Variants in FDFT1 observed in about 807,000 individuals in gnomAD.
The protein encoded by FDFT1 is farnesyl-diphosphate farnesyltransferase 1, also known as squalene synthase.
A neutral mutation model predicts 46.8 loss-of-function variants in FDFT1; 68 were observed. The ratio of observed to expected loss-of-function variants is 1.45; its 90% confidence interval spans 1.19 to 1.78. FDFT1 has a LOEUF of 1.78. Ranked by LOEUF, FDFT1 falls within the 40% of genes most tolerant of loss-of-function variation. FDFT1 has a pLI of 0.00. For missense variants in FDFT1, 928 were observed against 524.4 expected (o/e 1.77, Z -7.52); for synonymous variants, 351 against 185.1 (o/e 1.90, Z -7.28).
At chr8:11,809,594 G>A (rs1807410026) in intron 2 of FDFT1, 73 bp from the exon 3 acceptor site, 4 of 1,447,964 alleles carry the variant, frequency 2.8e-6, no homozygotes, top group Non-Finnish European at 3.7e-6. Context: ...AAGTGGCCAG[G>A]CACAAGTTAT....
chr8:11,803,973 A>G (rs1244511731), intron 1 of FDFT1: 2 of 152,388 alleles, frequency 1.3e-5, no homozygotes, highest in Non-Finnish European at 2.9e-5. Flanking sequence ...TTGCTACAGA[A>G]TAACTTCTAT....
intron 3 of FDFT1, among the ~76,000 whole-genome samples, chr8:11,818,581 C>T (rs1456625623): frequency 6.6e-6 from 1 of 152,160 alleles, no homozygotes; most frequent in Non-Finnish European, 1.5e-5. Flanking sequence ...ATAGTTAGCT[C>T]TTCTTGTTGA....
upstream of FDFT1, among the ~76,000 whole-genome samples, chr8:11,799,456 T>C (rs28827548): frequency 0.023 from 3,546 of 152,308 alleles, 143 homozygotes; most frequent in African/African-American, 0.081. Context: ...GACTTCACCA[T>C]TGCCTGCATG....
At chr8:11,806,563 G>C (rs1806865864) in intron 1 of FDFT1, among the ~76,000 whole-genome samples, 1 of 152,108 alleles carries the variant, frequency 6.6e-6, no homozygotes, top group South Asian at 2.1e-4. Flanking sequence ...AAGAGTGTTG[G>C]GGTTTAAATC....
chr8:11,797,732 C>G (rs139738427), upstream of FDFT1, among the ~76,000 whole-genome samples: 113 of 151,594 alleles, frequency 7.5e-4, no homozygotes, highest in Middle Eastern at 3.5e-3. Context: ...GAAAAGGATT[C>G]CTGAAGCAGA....
Position 11,809,656 on chromosome 8 carries a change from C to T in FDFT1, c.198-11C>T, listed in dbSNP as rs1585883050. 1 of 1,579,582 alleles carries T rather than the reference C, an allele frequency of 6.3e-7. No individual in the cohort carries two copies. Among genetic ancestry groups the T allele is most frequent in the Non-Finnish European group, 8.6e-7 (1 of 1,165,254 alleles). ...TGTTCCAATATATTAATAGTTTTCC[C>T]TTTTTTACAGCAACGCAGTGTGCAT... On this transcript the variant is annotated splice_polypyrimidine_tract_variant and intron_variant, in intron 2 of 7. Coordinates refer to ENST00000220584, the MANE Select transcript of FDFT1 (RefSeq NM_004462.5).
intron 3 of FDFT1, among the ~76,000 whole-genome samples, chr8:11,814,556 G>C (rs1337457801): frequency 6.6e-6 from 1 of 152,118 alleles, no homozygotes; most frequent in African/African-American, 2.4e-5. Context: ...CATGTTTTAA[G>C]ACTTCCCATG....
intron 1 of FDFT1, 181 bp downstream of exon 1, chr8:11,803,112 C>A: frequency 7.0e-7 from 1 of 1,427,980 alleles, no homozygotes; most frequent in Non-Finnish European, 9.1e-7. Context: ...ACGCGGCCGT[C>A]CTGGCTGACC....
intron 7 of FDFT1, 199 bp downstream of exon 7, chr8:11,831,869 C>G (rs1296629534): frequency 1.1e-4 from 61 of 532,878 alleles, no homozygotes; most frequent in Non-Finnish European, 1.2e-4. Flanking sequence ...TGTGTAGTAC[C>G]CTGGTGAGAG....
At chr8:11,834,074 C>T (rs983621306) in intron 7 of FDFT1, among the ~76,000 whole-genome samples, 1 of 152,248 alleles carries the variant, frequency 6.6e-6, no homozygotes, top group Non-Finnish European at 1.5e-5. Context: ...CCTATTTCTC[C>T]TTGCTGACCA....
At chr8:11,836,795 G>A (rs1811596591) in intron 7 of FDFT1, among the ~76,000 whole-genome samples, 1 of 152,264 alleles carries the variant, frequency 6.6e-6, no homozygotes. Context: ...CAGCCCTTTG[G>A]GAGGCCGAGG....
chr8:11,815,287 G>A (rs1301730681), intron 3 of FDFT1, among the ~76,000 whole-genome samples: 1 of 152,120 alleles, frequency 6.6e-6, no homozygotes. Flanking sequence ...CATTTGGGTT[G>A]GTTCCAGGTC....
intron 5 of FDFT1, 91 bp from the exon 6 acceptor site, chr8:11,830,153 T>C: frequency 4.6e-6 from 5 of 1,084,162 alleles, no homozygotes; most frequent in Non-Finnish European, 7.1e-6. Context: ...GCCTGTATCA[T>C]AGTTCTTATG....
chr8:11,831,465 G>A (rs1810774991), intron 6 of FDFT1, 53 bp from the exon 7 acceptor site: 1 of 1,536,036 alleles, frequency 6.5e-7, no homozygotes. Flanking sequence ...TTGTGATAAT[G>A]ATAGCTAACG....
intron 5 of FDFT1, among the ~76,000 whole-genome samples, chr8:11,829,587 A>T (rs1403875216): frequency 6.6e-6 from 1 of 152,116 alleles, no homozygotes; most frequent in African/African-American, 2.4e-5. Context: ...GTTTTTGTAT[A>T]TTGGGTTATT....
rs779749413 is a variant in FDFT1, at chr8:11,808,802, C to T, written c.108C>T (p.Leu36=). The part of the protein sequence containing the change: ...KVMPKMDQDS[L]SSSLKTCYKY... ...GTGTTGTCTGCCCGCAGGACTCGCT[C>T]AGCAGCAGCCTGAAAACTTGCTACA... The change falls in exon 2 of 8, where the codon CTC becomes CTT. Residue 36 remains leucine, a synonymous_variant. Transcript: ENST00000220584. 6.2e-7 allele frequency: 1 copy of T among 1,613,858 alleles called. No individual in the cohort carries two copies. Among genetic ancestry groups the T allele is most frequent in the Non-Finnish European group, 8.5e-7 (1 of 1,179,920 alleles).
At position 11,821,722 on chromosome 8, in the gene FDFT1, TTC is replaced by T. The variant is rs1374962830; in HGVS notation, c.382-26_382-25del. On this transcript the variant is annotated intron_variant, in intron 3 of 7. Transcript: ENST00000220584. The stretch of plus-strand genomic sequence containing the variant: ...GCCATGTCTGTACATATTTCATGAT[TTC>T]TGTGTTTTTACGGTTTCCATTTCAG... 3 of 1,610,568 alleles carry T rather than the reference TTC, an allele frequency of 1.9e-6. No homozygotes were observed. In the African/African-American group the frequency reaches 4.0e-5, roughly 22 times the overall value.
Position 11,829,184 on chromosome 8 carries a change from T to C in FDFT1, c.703-1060T>C. Among the ~76,000 whole-genome samples, 3 of 152,342 alleles carry C rather than the reference T, an allele frequency of 2.0e-5. No homozygotes were observed. In the Middle Eastern group the frequency reaches 0.01, roughly 518 times the overall value. The stretch of plus-strand genomic sequence containing the variant: ...CTTTTTAACTGTATGTATATATACT[T>C]AACATTTTATTTATAATAAATGTAC... On this transcript the variant is annotated intron_variant, in intron 5 of 7. Transcript: ENST00000220584.
intron 1 of FDFT1, among the ~76,000 whole-genome samples, chr8:11,805,844 C>A (rs1806762147): frequency 6.6e-6 from 1 of 152,170 alleles, no homozygotes; most frequent in African/African-American, 2.4e-5. Context: ...CTAAATTCTG[C>A]CCCAGGTCTT....
Sources: gnomAD v4.1 joint callset for allele counts (sites outside exome capture counted in the v4.1 genomes callset) on GRCh38, gnomAD v4.1.1 for gene constraint, MANE v1.5 for transcripts, NCBI Gene and HGNC (gene_info 2026-07-23, HGNC 2026-07-21) for gene names.